Variants in ARHGAP40 observed in about 807,000 individuals in gnomAD.
The protein encoded by ARHGAP40 is rho GTPase-activating protein 40.
Under a neutral mutation model 73.5 loss-of-function variants are expected in ARHGAP40, and 43 were observed. The ratio of observed to expected loss-of-function variants is 0.58; its 90% CI spans 0.46 to 0.75. The LOEUF (loss-of-function observed/expected upper bound fraction) is 0.75, where lower values mean the gene tolerates loss of function less well. Among genes scored for constraint, ARHGAP40 ranks in the 30% least tolerant of loss-of-function variants. The probability of loss-of-function intolerance (pLI) is 0.00; values close to 1 mark genes in which losing one functional copy is unlikely to be tolerated. For synonymous variants in ARHGAP40, 300 were observed against 352.8 expected, an observed-to-expected ratio of 0.85 and a Z score of 1.68; for missense variants, 734 against 861.8, an observed-to-expected ratio of 0.85 and a Z score of 1.86.
chr20:38,623,388 A>C (rs2088883571), exon 2 of ARHGAP40: 1 of 1,290,678 alleles, frequency 7.7e-7, no homozygotes, highest in African/African-American at 1.5e-5. Context: ...CGAATGGATC[A>C]GCTTCCCCAG....
Position 38,602,020 on chromosome 20 carries a change from G to A in ARHGAP40, c.78G>A (p.Arg26=), listed in dbSNP as rs1216106325. ...GGCCCCTAGCCTCACCGTGTCCTCG[G>A]ATCCCGCGGGCCCGCATTGCCAGGC... The change falls in exon 1 of 15, where the codon CGG becomes CGA. Residue 26 remains arginine (R), a synonymous_variant. Transcript: ENST00000373345. The A allele has an allele frequency of 7.8e-6, 10 of 1,287,566 alleles. No individual in the cohort carries two copies. The South Asian group carries it at 1.1e-4, about 14-fold the overall frequency. The allele number at this position is 1,287,566 out of a possible 1,614,324, so 79.8% of individuals were successfully genotyped here. A position where few individuals can be genotyped will look rare whatever the true frequency, so the allele number is the denominator to read the frequency against.
chr20:38,608,687 C>A (rs1278149617), intron 1 of ARHGAP40, among the ~76,000 whole-genome samples: 1 of 152,070 alleles, frequency 6.6e-6, no homozygotes, highest in Non-Finnish European at 1.5e-5. Context: ...AATTTAGTGG[C>A]CCTAATTTGG....
intron 1 of ARHGAP40, among the ~76,000 whole-genome samples, chr20:38,610,883 C>T (rs369593313): frequency 1.2e-4 from 16 of 139,034 alleles, no homozygotes; most frequent in East Asian, 2.1e-4. Flanking sequence ...GATGTCTTTT[C>T]TTTTTTTTTT....
At chr20:38,626,387 G>A (rs549818709) in intron 2 of ARHGAP40, among the ~76,000 whole-genome samples, 2 of 152,276 alleles carry the variant, frequency 1.3e-5, no homozygotes, top group African/African-American at 4.8e-5. Flanking sequence ...GAAGACATTC[G>A]AAGTGCAGAT....
Position 38,646,895 on chromosome 20 carries a change from C to T in ARHGAP40, c.1711-62C>T, listed in dbSNP as rs2145616646. ...CCATGTATGCGTGTTTATGCATCCA[C>T]GTTGGAACTCCAGGCAAGCTGACTC... On this transcript the variant is annotated intron_variant, in intron 12 of 14. Transcript: ENST00000373345. This position sits in a 1 kb window ranked among gnomAD's most constrained non-coding sequence, Gnocchi z 4.5. The T allele has an allele frequency of 8.0e-7, 1 of 1,256,180 alleles. No homozygotes were observed. The highest frequency in any genetic ancestry group is 1.3e-5 in the South Asian group (1 of 74,456). The allele number at this position is 1,256,180 out of a possible 1,614,324, so 77.8% of individuals were successfully genotyped here. A position where few individuals can be genotyped will look rare whatever the true frequency, so the allele number is the denominator to read the frequency against.
intron 6 of ARHGAP40, 95 bp from the exon 7 acceptor site, chr20:38,637,613 G>C (rs781326853): frequency 5.2e-6 from 5 of 964,476 alleles, no homozygotes; most frequent in Non-Finnish European, 7.4e-6. Context: ...ACAGGAAAAG[G>C]GGTCTGATTC....
intron 5 of ARHGAP40, among the ~76,000 whole-genome samples, chr20:38,633,629 T>A (rs1693725932): frequency 6.6e-6 from 1 of 152,202 alleles, no homozygotes; most frequent in East Asian, 1.9e-4. Flanking sequence ...CCGCAAGCAC[T>A]AGGCTGTATT....
Position 38,643,728 on chromosome 20 carries a change from G to T in ARHGAP40, c.1387G>T (p.Val463Leu), listed in dbSNP as rs534179875. The T allele has an allele frequency of 3.6e-5, 47 of 1,305,754 alleles. 1 individual carries two copies. In the South Asian group the frequency reaches 5.3e-4, roughly 15 times the overall value. The allele number at this position is 1,305,754 out of a possible 1,614,324, so 80.9% of individuals were successfully genotyped here. A position where few individuals can be genotyped will look rare whatever the true frequency, so the allele number is the denominator to read the frequency against. The change falls in exon 11 of 15, where the codon GTG (valine) becomes TTG (leucine). Residue 463 changes from valine to leucine, a missense_variant. By Grantham distance (32) the Val-to-Leu change is conservative. Transcript: ENST00000373345. ...GGCACTGCTGGAATTCCTCAGGAAG[G>T]TGGTGGCCCGGGAACAGCACAACAA...
chr20:38,618,584 G>A (rs1787707063), intron 1 of ARHGAP40, among the ~76,000 whole-genome samples: 2 of 152,164 alleles, frequency 1.3e-5, no homozygotes, highest in African/African-American at 2.4e-5. Context: ...CTGAATGGCT[G>A]CGGGTGACTT....
chr20:38,645,976 C>T (rs1007631009), intron 11 of ARHGAP40, 71 bp from the exon 12 acceptor site: 1 of 1,215,804 alleles, frequency 8.2e-7, no homozygotes, highest in Non-Finnish European at 1.1e-6. Context: ...CCACGATGAC[C>T]CTGGAGAGGG....
At chr20:38,650,276 C>T in exon 15 of ARHGAP40, 1 of 460,220 alleles carries the variant, frequency 2.2e-6, no homozygotes, top group Non-Finnish European at 4.5e-6. Flanking sequence ...CTGTGGCTTC[C>T]AGACTGGAGG....
At chr20:38,643,903 T>C (rs1158647437) in exon 11 of ARHGAP40, 3 of 1,299,450 alleles carry the variant, frequency 2.3e-6, no homozygotes, top group Non-Finnish European at 3.0e-6. Flanking sequence ...CAGGATCTGC[T>C]GTGGACGGTG....
chr20:38,649,766 G>A lies in ARHGAP40; in HGVS notation c.1946G>A (p.Arg649His), dbSNP rs758427564. The A allele has an allele frequency of 1.3e-5, 17 of 1,304,914 alleles. No individual in the cohort carries two copies. The highest frequency in any genetic ancestry group is 5.5e-5 in the East Asian group (1 of 18,020). 80.8% of individuals were successfully genotyped at this position (1,304,914 alleles called of 1,614,324 possible). Residue 649 changes from arginine to histidine, a missense_variant, in exon 15 of 15, where the codon CGC becomes CAC. Physicochemically the swap from Arg to His is conservative, Grantham distance 29. Transcript: ENST00000373345. ...CCCCTTCTTCCCACAGATGAGCATC[G>A]CCTGGACCCAGATGCCTACCTCTTA...
chr20:38,646,396 T>A lies in ARHGAP40; in HGVS notation c.1710+209T>A, dbSNP rs1468591935. 2.0e-5 allele frequency among the ~76,000 whole-genome samples: 3 copies of A among 151,812 alleles called. No individual in the cohort carries two copies. The highest frequency in any genetic ancestry group is 7.3e-5 in the African/African-American group (3 of 41,302). On this transcript the variant is annotated intron_variant, in intron 12 of 14. Transcript: ENST00000373345. This position sits in a 1 kb window ranked among gnomAD's most constrained non-coding sequence, Gnocchi z 4.5. ...TTAGAAGCGGGTTGGGGAGGGGAAA[T>A]GGAGTGACTCGGAGACTTCCCCTAG...
At chr20:38,614,982 G>A (rs1308650756) in intron 1 of ARHGAP40, 22 of 1,230,248 alleles carry the variant, frequency 1.8e-5, no homozygotes, top group Middle Eastern at 2.2e-4. Flanking sequence ...GTGGTTGAGC[G>A]CTTGTGTGAG....
chr20:38,640,180 CTT>C (rs1303593476), intron 9 of ARHGAP40, among the ~76,000 whole-genome samples: 1 of 41,318 alleles, frequency 2.4e-5, no homozygotes, highest in South Asian at 1.3e-3. Context: ...CTTCTTTCTT[CTT>C]TTCTTCTTTT....
rs1203891546 is a variant in ARHGAP40, at chr20:38,646,325, C to A, written c.1710+138C>A. ...CCAGTGAGGCCACCAGGGGGCGTTG[C>A]GGCGCCGTCACGGGGAGCGAGGAGG... On this transcript the variant is annotated intron_variant, in intron 12 of 14. Transcript: ENST00000373345. The surrounding 1 kb of genome is among the most constrained non-coding windows in gnomAD (Gnocchi z 4.5). 6.9e-6 allele frequency: 7 copies of A among 1,021,744 alleles called. No individual in the cohort carries two copies. In the Admixed American group the frequency reaches 1.2e-4, roughly 18 times the overall value. The allele number at this position is 1,021,744 out of a possible 1,614,324, so 63.3% of individuals were successfully genotyped here. A position where few individuals can be genotyped will look rare whatever the true frequency, so the allele number is the denominator to read the frequency against.
intron 5 of ARHGAP40, among the ~76,000 whole-genome samples, chr20:38,633,136 AT>A (rs2088951900): frequency 6.7e-6 from 1 of 149,694 alleles, no homozygotes; most frequent in Admixed American, 6.7e-5. Context: ...AAAAAAAAAA[AT>A]AGTTGGATGT....
At chr20:38,628,466 G>A (rs994495115) in intron 3 of ARHGAP40, among the ~76,000 whole-genome samples, 2 of 152,144 alleles carry the variant, frequency 1.3e-5, no homozygotes, top group South Asian at 2.1e-4. Flanking sequence ...CACCATGCCC[G>A]GCTAATTTTT....
Sources: allele counts gnomAD v4.1 joint callset (sites outside exome capture counted in the v4.1 genomes callset), GRCh38; gene constraint gnomAD v4.1.1; non-coding constraint Gnocchi (gnomAD v3.1); transcripts MANE v1.5; gene names NCBI Gene and HGNC (gene_info 2026-07-23, HGNC 2026-07-21).